PRMT8: variants seen among roughly 807,000 people sequenced by gnomAD.
The protein encoded by PRMT8 is protein arginine N-methyltransferase 8.
Under a neutral mutation model 47.1 loss-of-function variants are expected in PRMT8, and 7 were observed. The observed-to-expected ratio is 0.15, with a 90% CI of 0.08 to 0.28. The LOEUF (loss-of-function observed/expected upper bound fraction) is 0.28. PRMT8 is among the 10% of genes least tolerant of loss of function. The pLI is 1.00. For missense variants in PRMT8, 237 were observed against 505.4 expected (o/e 0.47, Z 5.09); for synonymous variants, 188 against 186.5 (o/e 1.01, Z -0.07).
intron 2 of PRMT8, among the ~76,000 whole-genome samples, chr12:3,548,720 C>G (rs1433035082): frequency 6.6e-6 from 1 of 152,168 alleles, no homozygotes; most frequent in Admixed American, 6.5e-5. Context: ...TGAACTCTCA[C>G]ATTGCTGGTT....
chr12:3,460,338 G>A (rs896033132), intron 1 of PRMT8, among the ~76,000 whole-genome samples: 2 of 152,150 alleles, frequency 1.3e-5, no homozygotes, highest in South Asian at 2.1e-4. Context: ...GTGAATACAC[G>A]TCCCTGTCAT....
intron 4 of PRMT8, among the ~76,000 whole-genome samples, chr12:3,560,345 C>T (rs989780369): frequency 1.3e-5 from 2 of 152,244 alleles, no homozygotes; most frequent in African/African-American, 4.8e-5. Flanking sequence ...CCCTCTCCAC[C>T]TCCGTACAGC....
chr12:3,414,912 AT>A (rs1864469038), intron 1 of PRMT8, among the ~76,000 whole-genome samples: 1 of 152,128 alleles, frequency 6.6e-6, no homozygotes, highest in South Asian at 2.1e-4. Context: ...TGAGCACAGG[AT>A]TTGGGCATGG....
chr12:3,576,763 TCGAGCTGC>T lies in PRMT8; in HGVS notation c.713-106_713-99del. The T allele has an allele frequency of 1.3e-6, 1 of 792,776 alleles. No homozygotes were observed. The highest frequency in any genetic ancestry group is 1.7e-5 in the African/African-American group (1 of 58,370). The allele number at this position is 792,776 out of a possible 1,614,324, so 49.1% of individuals were successfully genotyped here. A position where few individuals can be genotyped will look rare whatever the true frequency, so the allele number is the denominator to read the frequency against. On this transcript the variant is annotated intron_variant, in intron 6 of 9. Coordinates refer to ENST00000382622, the MANE Select transcript of PRMT8 (RefSeq NM_019854.5). This position sits in a 1 kb window ranked among gnomAD's most constrained non-coding sequence, Gnocchi z 4.0. The stretch of plus-strand genomic sequence containing the variant: ...TGCCTCTATTTCGATGCAAGGGAAC[TCGAGCTGC>T]CACTCAGCCCTCAGGCACGCTGTGC...
chr12:3,437,935 G>A (rs915848214), intron 1 of PRMT8, among the ~76,000 whole-genome samples: 1 of 152,166 alleles, frequency 6.6e-6, no homozygotes, highest in African/African-American at 2.4e-5. Flanking sequence ...TGGGGTTTGG[G>A]AGTCTTCATC....
intron 2 of PRMT8, among the ~76,000 whole-genome samples, chr12:3,547,273 A>G (rs1323024544): frequency 6.6e-6 from 1 of 152,208 alleles, no homozygotes; most frequent in Non-Finnish European, 1.5e-5. Context: ...ACCAAAAAAT[A>G]AAAGGCATAC....
At chr12:3,412,137 A>G (rs1864437220) in intron 1 of PRMT8, among the ~76,000 whole-genome samples, 1 of 152,230 alleles carries the variant, frequency 6.6e-6, no homozygotes, top group African/African-American at 2.4e-5. Flanking sequence ...GGCTATCCCT[A>G]CTGCTCCTAG....
At chr12:3,405,746 G>A (rs1338161147) in intron 1 of PRMT8, among the ~76,000 whole-genome samples, 1 of 152,244 alleles carries the variant, frequency 6.6e-6, no homozygotes, top group Non-Finnish European at 1.5e-5. Context: ...TGATGCAAGA[G>A]GTGGGCTCCA....
At chr12:3,381,503 T>C (rs1423260092) in intron 1 of PRMT8, 9 of 1,498,256 alleles carry the variant, frequency 6.0e-6, no homozygotes, top group Non-Finnish European at 8.1e-6. Flanking sequence ...AATAGTGCAA[T>C]TTATCTTGAC....
chr12:3,437,237 TC>T (rs1379550243), intron 1 of PRMT8, among the ~76,000 whole-genome samples: 1 of 151,980 alleles, frequency 6.6e-6, no homozygotes, highest in Non-Finnish European at 1.5e-5. Context: ...ACTTCATTTT[TC>T]CCCCTCAACC....
intron 7 of PRMT8, among the ~76,000 whole-genome samples, chr12:3,577,993 T>C (rs1866979301): frequency 6.6e-6 from 1 of 152,242 alleles, no homozygotes; most frequent in South Asian, 2.1e-4. Context: ...CTGGGTTGCC[T>C]CTTCCAGTCC....
rs1866165255 is a variant in PRMT8 at position 3,538,681 on chromosome 12, T to C, written c.76-1925T>C. On this transcript the variant is annotated intron_variant, in intron 1 of 9. Transcript: ENST00000382622. This position sits in a 1 kb window ranked among gnomAD's most constrained non-coding sequence, Gnocchi z 4.6. ...GGAGTCGATATTGGGGTCAGCTTCATGCACGGAGCCTTCTTCAGCTTTAGA... is the reference window on the plus strand; with the variant it reads ...GGAGTCGATATTGGGGTCAGCTTCACGCACGGAGCCTTCTTCAGCTTTAGA... The C allele has an allele frequency of 1.9e-6, 1 of 519,048 alleles. No homozygotes were observed. Among genetic ancestry groups the C allele is most frequent in the Non-Finnish European group, 3.8e-6 (1 of 259,864 alleles). 32.2% of individuals were successfully genotyped at this position (519,048 alleles called of 1,614,324 possible). A position where few individuals can be genotyped will look rare whatever the true frequency, so the allele number is the denominator to read the frequency against.
chr12:3,505,274 G>A (rs1388617248), intron 1 of PRMT8, among the ~76,000 whole-genome samples: 1 of 152,218 alleles, frequency 6.6e-6, no homozygotes, highest in African/African-American at 2.4e-5. Context: ...GGTACTGGGG[G>A]TTTAGGACTT....
chr12:3,386,489 C>T (rs1336883995), intron 1 of PRMT8, among the ~76,000 whole-genome samples: 1 of 152,218 alleles, frequency 6.6e-6, no homozygotes, highest in Non-Finnish European at 1.5e-5. Context: ...CTTTCCCCAA[C>T]CTACTGAAGT....
At position 3,550,184 on chromosome 12, in the gene PRMT8, G is replaced by A; in HGVS notation, c.417+93G>A. The A allele has an allele frequency of 6.5e-7, 1 of 1,531,644 alleles. No homozygotes were observed. The highest frequency in any genetic ancestry group is 8.9e-7 in the Non-Finnish European group (1 of 1,125,296). 94.9% of individuals were successfully genotyped at this position (1,531,644 alleles called of 1,614,324 possible). On this transcript the variant is annotated intron_variant, in intron 3 of 9. Transcript: ENST00000382622. The surrounding 1 kb of genome is among the most constrained non-coding windows in gnomAD (Gnocchi z 5.1). Reference sequence around the variant, plus strand: ...CGCCCTTCTAGAAGTACAAAATTTGGTCCATCTCTTTTGCTGGGGTCACAC... The same window carrying A: ...CGCCCTTCTAGAAGTACAAAATTTGATCCATCTCTTTTGCTGGGGTCACAC...
At chr12:3,537,396 G>T (rs201070210) in intron 1 of PRMT8, among the ~76,000 whole-genome samples, 1 of 152,098 alleles carries the variant, frequency 6.6e-6, no homozygotes, top group East Asian at 1.9e-4. Flanking sequence ...GTATTGGCTT[G>T]TAAGAGCTCT....
intron 1 of PRMT8, among the ~76,000 whole-genome samples, chr12:3,397,516 G>T (rs1366407974): frequency 6.6e-6 from 1 of 151,250 alleles, no homozygotes; most frequent in African/African-American, 2.4e-5. Flanking sequence ...TCCCAGTTAG[G>T]CTGCTCGGGG....
chr12:3,455,567 C>A (rs527911378), intron 1 of PRMT8, among the ~76,000 whole-genome samples: 1 of 152,140 alleles, frequency 6.6e-6, no homozygotes, highest in South Asian at 2.1e-4. Flanking sequence ...TTCACACATG[C>A]ATGGGAGTAG....
At chr12:3,585,741 T>C (rs1394128651) in intron 8 of PRMT8, among the ~76,000 whole-genome samples, 1 of 152,074 alleles carries the variant, frequency 6.6e-6, no homozygotes, top group Non-Finnish European at 1.5e-5. Flanking sequence ...TGCCCTGATC[T>C]GGGTCATTAT....
Sources: allele counts gnomAD v4.1 joint callset (sites outside exome capture counted in the v4.1 genomes callset), GRCh38; gene constraint gnomAD v4.1.1; non-coding constraint Gnocchi (gnomAD v3.1); transcripts MANE v1.5; gene names NCBI Gene and HGNC (gene_info 2026-07-23, HGNC 2026-07-21).